The following SRGAP2C variants were observed in gnomAD, a reference collection of about 807,000 sequenced individuals.
The protein encoded by SRGAP2C is SLIT-ROBO Rho GTPase activating protein 2C.
In SRGAP2C, 15 loss-of-function variants were observed where a neutral mutation model predicts 25.1. The observed-to-expected ratio is 0.60, with a 90% CI of 0.40 to 0.92. The LOEUF (loss-of-function observed/expected upper bound fraction) is 0.92. Among genes scored for constraint, SRGAP2C ranks in the 40% least tolerant of loss-of-function variants. SRGAP2C has a pLI of 0.00. For synonymous variants in SRGAP2C, 44 were observed against 96.6 expected (o/e 0.46, Z 3.19); for missense variants, 144 against 264.4 (o/e 0.54, Z 3.16).
chr1:121,375,070 G>C, intron 7 of SRGAP2C, 116 bp downstream of exon 7: 1 of 638,336 alleles, frequency 1.6e-6, no homozygotes, highest in Non-Finnish European at 2.9e-6. Flanking sequence ...CAATTAGGAA[G>C]ATAGCAGCCA....
At chr1:121,321,007 C>T (rs1377142053) in intron 3 of SRGAP2C, among the ~76,000 whole-genome samples, 3 of 152,254 alleles carry the variant, frequency 2.0e-5, no homozygotes, top group African/African-American at 4.8e-5. Context: ...GGAGGAGGCA[C>T]ACACAGGCGT....
intron 2 of SRGAP2C, among the ~76,000 whole-genome samples, chr1:121,192,414 G>C (rs1267737101): frequency 6.6e-6 from 1 of 151,768 alleles, no homozygotes; most frequent in Non-Finnish European, 1.5e-5. Flanking sequence ...GCAGCAGTAA[G>C]GTGAACTCCT....
intron 4 of SRGAP2C, among the ~76,000 whole-genome samples, chr1:121,351,829 AAC>A (rs1221072406): frequency 1.4e-5 from 1 of 70,418 alleles, no homozygotes; most frequent in Non-Finnish European, 2.5e-5. Context: ...ATACCCTGAA[AAC>A]ATTATAAGTG....
At chr1:121,313,973 G>T (rs1296614655) in intron 3 of SRGAP2C, among the ~76,000 whole-genome samples, 2 of 141,268 alleles carry the variant, frequency 1.4e-5, no homozygotes, top group Non-Finnish European at 3.1e-5. Flanking sequence ...ACGTTGGCCT[G>T]CCTTGTTAGA....
chr1:121,218,577 TA>T (rs111467989), intron 2 of SRGAP2C, among the ~76,000 whole-genome samples: 257 of 128,886 alleles, frequency 2.0e-3, no homozygotes, highest in Admixed American at 2.2e-3. Context: ...CCGTCTCTAC[TA>T]AAAAAAAAAA....
At chr1:121,208,638 C>T (rs1364372224) in intron 2 of SRGAP2C, among the ~76,000 whole-genome samples, 1 of 151,996 alleles carries the variant, frequency 6.6e-6, no homozygotes, top group Non-Finnish European at 1.5e-5. Flanking sequence ...ATACCAATCA[C>T]ACTATTTTGC....
At chr1:121,217,576 A>G (rs1655422633) in intron 2 of SRGAP2C, among the ~76,000 whole-genome samples, 1 of 151,646 alleles carries the variant, frequency 6.6e-6, no homozygotes, top group African/African-American at 2.4e-5. Flanking sequence ...TATTTTAAAT[A>G]TCTTTTTTAA....
intron 2 of SRGAP2C, among the ~76,000 whole-genome samples, chr1:121,270,380 C>T (rs1656912633): frequency 6.8e-6 from 1 of 147,622 alleles, no homozygotes; most frequent in African/African-American, 2.5e-5. Context: ...ATAACTCTTT[C>T]TTTATCCTTG....
intron 2 of SRGAP2C, among the ~76,000 whole-genome samples, chr1:121,225,965 A>G (rs1553326482): frequency 6.7e-6 from 1 of 150,218 alleles, no homozygotes; most frequent in East Asian, 2.0e-4. Context: ...TCGGCCTCCC[A>G]AAGTGCTGGG....
In SRGAP2C at chr1:121,306,236, A is replaced by T. The variant is rs1553339405; in HGVS notation, c.261-18242A>T. On this transcript the variant is annotated intron_variant, in intron 3 of 9. Coordinates refer to ENST00000367123, the MANE Select transcript of SRGAP2C (RefSeq NM_001329984.2). ...CCATTGTCTGCCCTTGTCGGGAGTG[A>T]GTAGACACTCCCTGTAGACAGGGAG... Among the ~76,000 whole-genome samples, 405 of 137,882 alleles carry T rather than the reference A, an allele frequency of 2.9e-3. 10 individuals are homozygous for T. Among genetic ancestry groups the T allele is most frequent in the Admixed American group, 0.022 (298 of 13,440 alleles). The allele number at this position is 137,882 out of a possible 152,430, so 90.5% of individuals were successfully genotyped here. A position where few individuals can be genotyped will look rare whatever the true frequency, so the allele number is the denominator to read the frequency against.
chr1:121,355,413 G>T (rs1384228064), intron 4 of SRGAP2C, among the ~76,000 whole-genome samples: 1 of 72,010 alleles, frequency 1.4e-5, no homozygotes, highest in African/African-American at 5.7e-5. Flanking sequence ...TGCCTCCCGG[G>T]TTCACGCCAT....
chr1:121,266,526 GA>G (rs1159245610), intron 2 of SRGAP2C, among the ~76,000 whole-genome samples: 6 of 150,932 alleles, frequency 4.0e-5, no homozygotes, highest in Non-Finnish European at 7.4e-5. Context: ...TAAGGTTGTT[GA>G]TTTTTTAAAA....
At chr1:121,219,215 T>A (rs1159156932) in intron 2 of SRGAP2C, among the ~76,000 whole-genome samples, 5 of 144,364 alleles carry the variant, frequency 3.5e-5, no homozygotes, top group Non-Finnish European at 7.5e-5. Flanking sequence ...ATGTGAGTAA[T>A]ACACAACCAG....
At chr1:121,368,432 AGAATAGAATTATTTCTTCT>A (rs1659401537) in intron 5 of SRGAP2C, among the ~76,000 whole-genome samples, 4 of 148,596 alleles carry the variant, frequency 2.7e-5, no homozygotes, top group African/African-American at 9.9e-5. Flanking sequence ...AGCAGTTCAG[AGAATAGAATTATTTCTTCT>A]GGAGATTAAG....
At position 121,350,443 on chromosome 1, in the gene SRGAP2C, T is replaced by C. The variant is rs373923943; in HGVS notation, c.424-14850T>C. 5.3e-5 allele frequency among the ~76,000 whole-genome samples: 8 copies of C among 150,010 alleles called. No individual in the cohort carries two copies. In the East Asian group the frequency reaches 1.6e-3, roughly 30 times the overall value. ...ATAAATAATTAGGCCTATGAGGAAA[T>C]AAGAACTGTGACCAAAAGCTAAGAG... On this transcript the variant is annotated intron_variant, in intron 4 of 9. Coordinates refer to ENST00000367123, the MANE Select transcript of SRGAP2C (RefSeq NM_001329984.2).
intron 7 of SRGAP2C, among the ~76,000 whole-genome samples, chr1:121,376,873 T>TA (rs1486456040): frequency 9.8e-5 from 14 of 142,488 alleles, no homozygotes; most frequent in African/African-American, 3.4e-4. Flanking sequence ...TCGCATTTGG[T>TA]AAAAATTCAG....
At chr1:121,385,967 C>T (rs1415414812) in intron 8 of SRGAP2C, among the ~76,000 whole-genome samples, 11 of 149,612 alleles carry the variant, frequency 7.4e-5, no homozygotes, top group South Asian at 6.5e-4. Flanking sequence ...CATACCCTCT[C>T]GGGCCCTCTA....
chr1:121,238,763 A>G (rs1196048724), intron 2 of SRGAP2C, among the ~76,000 whole-genome samples: 1 of 144,882 alleles, frequency 6.9e-6, no homozygotes, highest in Non-Finnish European at 1.5e-5. Flanking sequence ...ACAATTGTGC[A>G]CCACTACACA....
chr1:121,319,671 A>G (rs1392897981), intron 3 of SRGAP2C, among the ~76,000 whole-genome samples: 3 of 148,814 alleles, frequency 2.0e-5, no homozygotes, highest in Non-Finnish European at 3.0e-5. Context: ...TACAGTGATA[A>G]TGTCTTCTGC....
Sources: gnomAD v4.1 joint callset for allele counts (sites outside exome capture counted in the v4.1 genomes callset) on GRCh38, gnomAD v4.1.1 for gene constraint, MANE v1.5 for transcripts, NCBI Gene and HGNC (gene_info 2026-07-23, HGNC 2026-07-21) for gene names.